RERE: variants seen among roughly 807,000 people sequenced by gnomAD.
RERE encodes the protein arginine-glutamic acid dipeptide repeats protein.
RERE carries 40 observed loss-of-function variants against 146.1 expected under a neutral mutation model. That is an observed-to-expected ratio of 0.27 (90% CI 0.21 to 0.36). RERE has a LOEUF of 0.36. Ranked by LOEUF, RERE falls within the 10% of genes least tolerant of loss-of-function variation. The pLI is 1.00. For missense variants in RERE, 1,933 were observed against 2,138.7 expected (o/e 0.90, Z 1.90); for synonymous variants, 1,003 against 866.0 (o/e 1.16, Z -2.78).
At chr1:8,528,635 G>T (rs968405429) in intron 7 of RERE, among the ~76,000 whole-genome samples, 5 of 152,108 alleles carry the variant, frequency 3.3e-5, no homozygotes, top group Admixed American at 3.3e-4. Flanking sequence ...GCACCAACAT[G>T]ATGCTCAAAG....
intron 12 of RERE, among the ~76,000 whole-genome samples, chr1:8,410,935 T>C (rs1643597858): frequency 6.6e-6 from 1 of 152,182 alleles, no homozygotes; most frequent in Non-Finnish European, 1.5e-5. Context: ...TTGACTAGCA[T>C]CAGGAATAAA....
chr1:8,449,705 G>A (rs1644367964), intron 11 of RERE, among the ~76,000 whole-genome samples: 1 of 152,130 alleles, frequency 6.6e-6, no homozygotes, highest in Non-Finnish European at 1.5e-5. Flanking sequence ...GAAAGTTATT[G>A]AGTCCTAAAG....
At chr1:8,556,149 C>T (rs567837648) in intron 6 of RERE, among the ~76,000 whole-genome samples, 52 of 152,106 alleles carry the variant, frequency 3.4e-4, no homozygotes, top group African/African-American at 1.2e-3. Flanking sequence ...CCACACCTGG[C>T]CCATCGGAAC....
chr1:8,698,390 T>TAG (rs1639378702), intron 1 of RERE, among the ~76,000 whole-genome samples: 1 of 152,244 alleles, frequency 6.6e-6, no homozygotes, highest in Non-Finnish European at 1.5e-5. Flanking sequence ...AAATTATTGG[T>TAG]AGATAATGTG....
At position 8,546,885 on chromosome 1, in the gene RERE, T is replaced by C. The variant is rs533532874; in HGVS notation, c.726-5567A>G. Among the ~76,000 whole-genome samples, 135 of 151,352 alleles carry C rather than the reference T, an allele frequency of 8.9e-4. 3 individuals carry two copies. In the South Asian group the frequency reaches 0.027, roughly 30 times the overall value. ...AAAAAACAAAAAAAATTAAGATTAT[T>C]AGCTTAGGGGGAAAAAGTCCAAAAC... On this transcript the variant is annotated intron_variant, in intron 6 of 22. Coordinates refer to ENST00000400908, the MANE Select transcript of RERE (RefSeq NM_001042681.2).
chr1:8,814,527 A>C (rs1641874014), intron 1 of RERE, among the ~76,000 whole-genome samples: 1 of 152,164 alleles, frequency 6.6e-6, no homozygotes, highest in African/African-American at 2.4e-5. Context: ...AGACTACTGA[A>C]AACAACACTA....
intron 4 of RERE, among the ~76,000 whole-genome samples, chr1:8,587,743 C>A (rs1295499889): frequency 6.6e-6 from 1 of 152,182 alleles, no homozygotes; most frequent in Non-Finnish European, 1.5e-5. Context: ...CTTTACCAAA[C>A]CAAGCTGGAC....
chr1:8,806,713 G>A (rs568401369), intron 1 of RERE: 5 of 152,124 alleles, frequency 3.3e-5, no homozygotes, highest in African/African-American at 9.6e-5. Context: ...CTCTTCCTCC[G>A]GGAGTTTGCA....
intron 12 of RERE, among the ~76,000 whole-genome samples, chr1:8,383,567 T>C (rs1642529156): frequency 6.6e-6 from 1 of 152,094 alleles, no homozygotes; most frequent in African/African-American, 2.4e-5. Flanking sequence ...TATGTTACAA[T>C]TTATGCCCAA....
chr1:8,527,401 T>C (rs1570393376), intron 7 of RERE, among the ~76,000 whole-genome samples: 1 of 152,082 alleles, frequency 6.6e-6, no homozygotes, highest in Non-Finnish European at 1.5e-5. Context: ...ATAATATGAA[T>C]ATGAGCAGCA....
At chr1:8,359,001 T>C (rs1641436960) in intron 19 of RERE, 85 bp from the exon 20 acceptor site, 2 of 1,450,268 alleles carry the variant, frequency 1.4e-6, no homozygotes, top group South Asian at 1.4e-5. Flanking sequence ...GGCCTGGTCC[T>C]GCTCCTGGCC....
At chr1:8,698,498 CTT>C (rs1639381002) in intron 1 of RERE, among the ~76,000 whole-genome samples, 2 of 152,282 alleles carry the variant, frequency 1.3e-5, no homozygotes, top group South Asian at 4.1e-4. Flanking sequence ...TATTTACACT[CTT>C]TTGTTCCTTT....
At chr1:8,477,175 T>C (rs1441647052) in intron 10 of RERE, among the ~76,000 whole-genome samples, 2 of 152,206 alleles carry the variant, frequency 1.3e-5, no homozygotes, top group African/African-American at 4.8e-5. Flanking sequence ...TGACTTCTTT[T>C]TTTATAAATG....
intron 1 of RERE, among the ~76,000 whole-genome samples, chr1:8,743,975 T>C (rs1209712283): frequency 6.6e-6 from 1 of 152,232 alleles, no homozygotes; most frequent in African/African-American, 2.4e-5. Flanking sequence ...TTGTTTCACT[T>C]GCTGCTGCTT....
At chr1:8,649,608 T>A (rs1344409039) in intron 2 of RERE, among the ~76,000 whole-genome samples, 2 of 151,464 alleles carry the variant, frequency 1.3e-5, no homozygotes, top group Non-Finnish European at 2.9e-5. Flanking sequence ...CACACGCCTG[T>A]AATCCCAGCT....
intron 11 of RERE, among the ~76,000 whole-genome samples, chr1:8,430,382 T>C (rs951172340): frequency 3.9e-5 from 6 of 152,200 alleles, no homozygotes; most frequent in Admixed American, 1.3e-4. Context: ...AAAAACACTT[T>C]GCACTTACTA....
chr1:8,621,461 C>T (rs1397057241), intron 3 of RERE, among the ~76,000 whole-genome samples: 1 of 152,138 alleles, frequency 6.6e-6, no homozygotes, highest in Non-Finnish European at 1.5e-5. Context: ...TCTTTAACAT[C>T]GTAATCGTAC....
At chr1:8,532,100 TTTC>T (rs1645661710) in intron 7 of RERE, among the ~76,000 whole-genome samples, 1 of 152,212 alleles carries the variant, frequency 6.6e-6, no homozygotes, top group Admixed American at 6.5e-5. Context: ...TTGTCTATGT[TTTC>T]TTCTTCTATA....
intron 12 of RERE, among the ~76,000 whole-genome samples, chr1:8,416,337 G>A (rs1362228088): frequency 6.6e-6 from 1 of 152,088 alleles, no homozygotes; most frequent in Non-Finnish European, 1.5e-5. Context: ...TGTAATCCCA[G>A]CACTTTGGGA....
Sources: gnomAD v4.1 joint callset for allele counts (sites outside exome capture counted in the v4.1 genomes callset) on GRCh38, gnomAD v4.1.1 for gene constraint, MANE v1.5 for transcripts, NCBI Gene and HGNC (gene_info 2026-07-23, HGNC 2026-07-21) for gene names.